KMT2C: variants seen among roughly 807,000 people sequenced by gnomAD.
The protein encoded by KMT2C is lysine methyltransferase 2C, also known as histone-lysine N-methyltransferase 2C.
KMT2C carries 88 observed loss-of-function variants against 507.9 expected under a neutral mutation model. That is an observed-to-expected ratio of 0.17 (90% CI 0.15 to 0.21). The LOEUF is 0.21. Ranked by LOEUF, KMT2C falls within the 10% of genes least tolerant of loss-of-function variation. The pLI is 1.00. For missense variants in KMT2C, 4,954 were observed against 5,957.8 expected (o/e 0.83, Z 5.55); for synonymous variants, 2,049 against 2,080.8 (o/e 0.98, Z 0.42).
chr7:152,267,461 C>G (rs2095876372), intron 7 of KMT2C, among the ~76,000 whole-genome samples: 1 of 152,218 alleles, frequency 6.6e-6, no homozygotes, highest in Non-Finnish European at 1.5e-5. Flanking sequence ...CCAGCCAGAT[C>G]CCAATTCTTA....
chr7:152,196,204 TTCAGACGATTTTG>T (rs2093956852), intron 27 of KMT2C, among the ~76,000 whole-genome samples, 193 bp from the exon 28 acceptor site: 1 of 152,164 alleles, frequency 6.6e-6, no homozygotes, highest in Non-Finnish European at 1.5e-5. Context: ...TTACTAAAAA[TTCAGACGATTTTG>T]TCTTGTGACT....
intron 2 of KMT2C, among the ~76,000 whole-genome samples, chr7:152,344,847 C>T (rs1456377880): frequency 1.3e-5 from 2 of 152,018 alleles, no homozygotes; most frequent in Non-Finnish European, 2.9e-5. Flanking sequence ...ATTAGCTGGG[C>T]AGGAAAGCAT....
chr7:152,148,590 G>C lies in KMT2C; in HGVS notation c.13337C>G (p.Ala4446Gly), dbSNP rs774227680. The C allele has an allele frequency of 1.2e-6, 2 of 1,614,138 alleles. No individual in the cohort carries two copies. Among genetic ancestry groups the C allele is most frequent in the Non-Finnish European group, 1.7e-6 (2 of 1,180,022 alleles). ...STEVYETQAG[A>G]LINVELALRR... Reference sequence around the variant, plus strand: ...CAGAGCTAGCTCCACATTTATTAAGGCACCAGCCTGAGTCTCATAGACCTC... The same window carrying C: ...CAGAGCTAGCTCCACATTTATTAAGCCACCAGCCTGAGTCTCATAGACCTC... The change falls in exon 52 of 59, where the codon GCC becomes GGC. Residue 4446 changes from alanine to glycine, a missense_variant. Physicochemically the swap from Ala to Gly is moderately conservative, Grantham distance 60. Coordinates refer to ENST00000262189, the MANE Select transcript of KMT2C (RefSeq NM_170606.3). This position sits in a 1 kb window ranked among gnomAD's most constrained non-coding sequence, Gnocchi z 7.1.
intron 6 of KMT2C, among the ~76,000 whole-genome samples, chr7:152,292,511 T>G (rs921087282): frequency 2.0e-5 from 3 of 152,220 alleles, no homozygotes; most frequent in African/African-American, 7.2e-5. Flanking sequence ...AACATTAGTT[T>G]TAAACACTCA....
intron 46 of KMT2C, 103 bp downstream of exon 46, chr7:152,155,807 G>T: frequency 8.9e-7 from 1 of 1,118,080 alleles, no homozygotes; most frequent in Non-Finnish European, 1.3e-6. Context: ...CTCTTCAAAT[G>T]TTTTTACATG....
chr7:152,148,926 C>G lies in KMT2C; in HGVS notation c.13001G>C (p.Arg4334Pro). ...ELKVTVKLKP[R>P]LRAVHGGFED... ...AAACCCACCATGGACAGCTCTTAGC[C>G]GAGGCTTCAGCTTGACTGTCACCTT... Residue 4334 changes from arginine (R) to proline (P), a missense_variant, in exon 52 of 59, where the codon CGG becomes CCG. This residue lies in a region of KMT2C where 417 missense variants were observed against 461.1 expected (regional missense o/e 0.90). Transcript: ENST00000262189. The surrounding 1 kb of genome is among the most constrained non-coding windows in gnomAD (Gnocchi z 7.1). 1 of 1,612,506 alleles carries G rather than the reference C, an allele frequency of 6.2e-7. No individual in the cohort carries two copies. The highest frequency in any genetic ancestry group is 1.7e-4 in the Middle Eastern group (1 of 6,056).
chr7:152,200,050 A>C (rs2094085248), intron 26 of KMT2C, among the ~76,000 whole-genome samples: 1 of 152,158 alleles, frequency 6.6e-6, no homozygotes, highest in Non-Finnish European at 1.5e-5. Flanking sequence ...TCTCTCCAAA[A>C]TTTCTCAAAA....
At chr7:152,245,104 A>C (rs1295433576) in intron 14 of KMT2C, among the ~76,000 whole-genome samples, 4 of 152,252 alleles carry the variant, frequency 2.6e-5, no homozygotes, top group Non-Finnish European at 5.9e-5. Context: ...GAAAATGTGA[A>C]AGATTTGTTG....
At position 152,182,467 on chromosome 7, in the gene KMT2C, C is replaced by T. The variant is rs2129121045; in HGVS notation, c.5393G>A (p.Gly1798Asp). ...FGSQHLLVQS[G>D]SDTPSSGIQS... The stretch of plus-strand genomic sequence containing the variant: ...TATCCCACTACTTGGTGTATCTGAA[C>T]CAGACTGCACCAGAAGATGCTGAGA... The change falls in exon 36 of 59, where the codon GGT (glycine) becomes GAT (aspartate). Residue 1798 changes from glycine (G) to aspartate (D), a missense_variant. Coordinates refer to ENST00000262189, the MANE Select transcript of KMT2C (RefSeq NM_170606.3). The T allele has an allele frequency of 6.2e-7, 1 of 1,614,082 alleles. No homozygotes were observed. The highest frequency in any genetic ancestry group is 8.5e-7 in the Non-Finnish European group (1 of 1,179,984).
At chr7:152,262,529 T>C (rs1238714019) in intron 9 of KMT2C, among the ~76,000 whole-genome samples, 1 of 152,186 alleles carries the variant, frequency 6.6e-6, no homozygotes, top group Admixed American at 6.5e-5. Flanking sequence ...TTTTTTGTAA[T>C]AGCTCAAAAT....
At chr7:152,354,447 G>A (rs1186967041) in intron 2 of KMT2C, among the ~76,000 whole-genome samples, 2 of 152,298 alleles carry the variant, frequency 1.3e-5, no homozygotes, top group East Asian at 3.9e-4. Context: ...CAAATCCCCT[G>A]ACTTCATAAA....
chr7:152,269,126 A>G (rs2095911817), intron 7 of KMT2C, among the ~76,000 whole-genome samples: 1 of 152,240 alleles, frequency 6.6e-6, no homozygotes, highest in Non-Finnish European at 1.5e-5. Context: ...TGTTATACAC[A>G]ACAAAGTTCG....
intron 2 of KMT2C, among the ~76,000 whole-genome samples, chr7:152,332,851 A>AACACACACACACACACAC (rs35781658): frequency 5.6e-4 from 77 of 138,590 alleles, no homozygotes; most frequent in South Asian, 1.7e-3. Context: ...TGCGTCTCAA[A>AACACACACACACACACAC]ACACACACAC....
rs750394326 is a variant in KMT2C, at chr7:152,138,755, G to A, written c.14643+41C>T. On this transcript the variant is annotated intron_variant, in intron 58 of 58. Coordinates refer to ENST00000262189, the MANE Select transcript of KMT2C (RefSeq NM_170606.3). The surrounding 1 kb of genome is among the most constrained non-coding windows in gnomAD (Gnocchi z 4.2). ...TGTGAGGAGGGAACTATTCGCCCAG[G>A]ATCTGAACAACATGGCAGATGCAAT... 2 of 1,234,404 alleles carry A rather than the reference G, an allele frequency of 1.6e-6. No homozygotes were observed. Among genetic ancestry groups the A allele is most frequent in the East Asian group, 2.3e-5 (1 of 42,880 alleles). The allele number at this position is 1,234,404 out of a possible 1,614,324, so 76.5% of individuals were successfully genotyped here. A position where few individuals can be genotyped will look rare whatever the true frequency, so the allele number is the denominator to read the frequency against.
At chr7:152,288,332 A>C (rs2096344713) in intron 6 of KMT2C, among the ~76,000 whole-genome samples, 1 of 151,268 alleles carries the variant, frequency 6.6e-6, no homozygotes, top group Non-Finnish European at 1.5e-5. Flanking sequence ...TGAGGAGTTC[A>C]AGACCAGCCT....
chr7:152,333,598 TTA>T (rs2096904320), intron 2 of KMT2C, among the ~76,000 whole-genome samples: 2 of 152,280 alleles, frequency 1.3e-5, no homozygotes, highest in African/African-American at 4.8e-5. Flanking sequence ...ACACAAAACT[TTA>T]TCTCTTATCG....
intron 23 of KMT2C, among the ~76,000 whole-genome samples, chr7:152,211,041 G>A (rs1412316754): frequency 6.6e-6 from 1 of 150,944 alleles, no homozygotes; most frequent in Non-Finnish European, 1.5e-5. Context: ...ACCACTCAGT[G>A]CCTAACAAAA....
intron 6 of KMT2C, among the ~76,000 whole-genome samples, chr7:152,276,021 A>G (rs1435519809): frequency 3.9e-5 from 6 of 152,216 alleles, no homozygotes; most frequent in Non-Finnish European, 8.8e-5. Flanking sequence ...TCTCTTAATC[A>G]TATCTGCAAT....
intron 42 of KMT2C, among the ~76,000 whole-genome samples, chr7:152,165,977 C>T (rs563215540): frequency 2.3e-4 from 35 of 152,274 alleles, no homozygotes; most frequent in African/African-American, 7.0e-4. Flanking sequence ...CGTGAGCCAC[C>T]GTGCCTGGCC....
Sources: gnomAD v4.1 joint callset for allele counts (sites outside exome capture counted in the v4.1 genomes callset) on GRCh38, gnomAD v4.1.1 for gene constraint, gnomAD v4.1.1 regional missense constraint, Gnocchi (gnomAD v3.1) non-coding constraint, MANE v1.5 for transcripts, NCBI Gene and HGNC (gene_info 2026-07-23, HGNC 2026-07-21) for gene names.